Variants in L3MBTL4 observed in about 807,000 individuals in gnomAD.
L3MBTL4 encodes L3MBTL histone methyl-lysine binding protein 4, also known as lethal(3)malignant brain tumor-like protein 4.
L3MBTL4 carries 70 observed loss-of-function variants against 84.5 expected under a neutral mutation model. The ratio of observed to expected loss-of-function variants is 0.83; its 90% CI spans 0.68 to 1.01. The LOEUF (loss-of-function observed/expected upper bound fraction) is 1.01. Among genes scored for constraint, L3MBTL4 ranks in the 50% least tolerant of loss-of-function variants. The pLI is 0.00. For synonymous variants in L3MBTL4, 274 were observed against 259.8 expected (o/e 1.05, Z -0.52); for missense variants, 715 against 754.8 (o/e 0.95, Z 0.62).
At chr18:6,046,600 T>C in intron 16 of L3MBTL4, 1 of 564,962 alleles carries the variant, frequency 1.8e-6, no homozygotes, top group Admixed American at 3.5e-5. Context: ...AATACCAAGA[T>C]CTCCCAAAAC....
intron 16 of L3MBTL4, among the ~76,000 whole-genome samples, chr18:6,065,437 G>A (rs1044956221): frequency 1.8e-4 from 27 of 152,038 alleles, no homozygotes; most frequent in South Asian, 2.1e-4. Context: ...ATTCTTCTTC[G>A]AATGTTTGGT....
chr18:6,312,793 C>G (rs2050900672), intron 1 of L3MBTL4, among the ~76,000 whole-genome samples: 1 of 152,088 alleles, frequency 6.6e-6, no homozygotes, highest in Admixed American at 6.6e-5. Flanking sequence ...TTACCTTCTT[C>G]CTCTACTCCT....
chr18:6,079,093 C>G (rs1251856156), intron 16 of L3MBTL4, among the ~76,000 whole-genome samples: 1 of 152,164 alleles, frequency 6.6e-6, no homozygotes, highest in Non-Finnish European at 1.5e-5. Flanking sequence ...CTCGCCTGCC[C>G]TCTGCTCACC....
intron 12 of L3MBTL4, 88 bp from the exon 13 acceptor site, chr18:6,172,030 G>A: frequency 1.6e-6 from 1 of 606,458 alleles, no homozygotes; most frequent in South Asian, 2.3e-5. Context: ...GATGTCTGAA[G>A]CTGAGATTGA....
chr18:6,268,203 C>A (rs1031422734), intron 4 of L3MBTL4, among the ~76,000 whole-genome samples: 5 of 152,074 alleles, frequency 3.3e-5, no homozygotes, highest in African/African-American at 1.2e-4. Context: ...GTCAGGAGTT[C>A]GAGACCAGCC....
intron 16 of L3MBTL4, among the ~76,000 whole-genome samples, chr18:6,020,554 CAG>C (rs1051285499): frequency 7.9e-5 from 12 of 151,966 alleles, no homozygotes; most frequent in Admixed American, 6.6e-4. Context: ...GGGAAGTAAG[CAG>C]AGAGACAGGA....
At chr18:6,162,676 T>C (rs1203490663) in intron 13 of L3MBTL4, among the ~76,000 whole-genome samples, 1 of 152,148 alleles carries the variant, frequency 6.6e-6, no homozygotes. Flanking sequence ...ATATCATAGA[T>C]AAAAGACACA....
At chr18:6,323,910 C>G (rs764174624) in intron 1 of L3MBTL4, among the ~76,000 whole-genome samples, 5 of 152,206 alleles carry the variant, frequency 3.3e-5, no homozygotes, top group Non-Finnish European at 5.9e-5. Flanking sequence ...CAGAGACATT[C>G]CTGGCAGCCC....
At chr18:6,004,372 G>C (rs1028811081) in intron 16 of L3MBTL4, among the ~76,000 whole-genome samples, 1 of 152,186 alleles carries the variant, frequency 6.6e-6, no homozygotes, top group East Asian at 1.9e-4. Flanking sequence ...TTAGGAGATT[G>C]AGTCAGTAAT....
chr18:6,277,336 A>G (rs1408388406), intron 4 of L3MBTL4, among the ~76,000 whole-genome samples: 1 of 152,182 alleles, frequency 6.6e-6, no homozygotes, highest in Non-Finnish European at 1.5e-5. Flanking sequence ...TCTATTTGAA[A>G]TTTATTTTTA....
At chr18:6,401,696 C>A (rs111678213) in intron 1 of L3MBTL4, among the ~76,000 whole-genome samples, 1 of 152,162 alleles carries the variant, frequency 6.6e-6, no homozygotes, top group African/African-American at 2.4e-5. Flanking sequence ...AGGAAAAGTG[C>A]GCCCTGTGCA....
At chr18:5,959,705 G>A (rs902087363) in intron 18 of L3MBTL4, among the ~76,000 whole-genome samples, 3 of 152,122 alleles carry the variant, frequency 2.0e-5, no homozygotes, top group African/African-American at 7.2e-5. Flanking sequence ...ATGGCTTCAA[G>A]CCACCAATGG....
chr18:6,208,268 C>T (rs913543363), intron 12 of L3MBTL4, among the ~76,000 whole-genome samples: 1 of 152,152 alleles, frequency 6.6e-6, no homozygotes, highest in Admixed American at 6.5e-5. Flanking sequence ...TGCATTAATA[C>T]TCCTGCAGGT....
chr18:6,386,610 C>A (rs163751), intron 1 of L3MBTL4, among the ~76,000 whole-genome samples: 96,037 of 151,982 alleles, frequency 0.63, 30,819 homozygotes, highest in African/African-American at 0.75. Context: ...CTACCACAGG[C>A]GGATCTGAAC....
intron 3 of L3MBTL4, 106 bp from the exon 4 acceptor site, chr18:6,302,063 C>G: frequency 1.1e-6 from 1 of 936,334 alleles, no homozygotes; most frequent in South Asian, 1.3e-5. Flanking sequence ...AGATCCTCGT[C>G]ACTGAGGCGG....
chr18:6,087,025 AC>A (rs1169372752), intron 15 of L3MBTL4, among the ~76,000 whole-genome samples: 2 of 152,342 alleles, frequency 1.3e-5, no homozygotes, highest in South Asian at 2.1e-4. Flanking sequence ...CCTGACACTT[AC>A]TAGTTTGGGT....
At chr18:6,245,322 T>C (rs1267915186) in intron 5 of L3MBTL4, among the ~76,000 whole-genome samples, 1 of 152,178 alleles carries the variant, frequency 6.6e-6, no homozygotes, top group Non-Finnish European at 1.5e-5. Context: ...TGCTTTGAAA[T>C]AGTACCTCCA....
chr18:6,115,739 CA>C (rs1282122321), intron 14 of L3MBTL4, among the ~76,000 whole-genome samples: 1 of 152,188 alleles, frequency 6.6e-6, no homozygotes, highest in Non-Finnish European at 1.5e-5. Context: ...CTTCATCCTT[CA>C]TGTGCATTAG....
At chr18:6,341,782 C>T (rs1427965776) in intron 1 of L3MBTL4, among the ~76,000 whole-genome samples, 2 of 151,544 alleles carry the variant, frequency 1.3e-5, no homozygotes, top group African/African-American at 2.4e-5. Flanking sequence ...ACATTAAGAT[C>T]CAGGAAGTCC....
Sources: gnomAD v4.1 joint callset for allele counts (sites outside exome capture counted in the v4.1 genomes callset) on GRCh38, gnomAD v4.1.1 for gene constraint, MANE v1.5 for transcripts, NCBI Gene and HGNC (gene_info 2026-07-23, HGNC 2026-07-21) for gene names.